MICU1: variants seen among roughly 807,000 people sequenced by gnomAD.
The protein encoded by MICU1 is calcium uptake protein 1, mitochondrial.
In MICU1, 45 loss-of-function variants were observed where a neutral mutation model predicts 56.8. The observed-to-expected ratio is 0.79, with a 90% confidence interval of 0.62 to 1.02. The LOEUF (loss-of-function observed/expected upper bound fraction) is 1.02, where lower values mean the gene tolerates loss of function less well. Among genes scored for constraint, MICU1 ranks in the 50% least tolerant of loss-of-function variants. The probability of loss-of-function intolerance (pLI) is 0.00; values close to 1 mark genes in which losing one functional copy is unlikely to be tolerated. For synonymous variants in MICU1, 186 were observed against 195.1 expected (o/e 0.95, Z 0.39); for missense variants, 504 against 587.1 (o/e 0.86, Z 1.46).
chr10:72,594,733 T>C (rs1841322693), intron 1 of MICU1, among the ~76,000 whole-genome samples: 1 of 151,718 alleles, frequency 6.6e-6, no homozygotes. Context: ...ACCCTGTCTC[T>C]ACAAAAAATG....
chr10:72,404,669 A>G (rs1328676427), intron 10 of MICU1, among the ~76,000 whole-genome samples: 2 of 152,244 alleles, frequency 1.3e-5, no homozygotes, highest in Non-Finnish European at 2.9e-5. Context: ...AATAAATTCA[A>G]TAACATAGAT....
intron 8 of MICU1, among the ~76,000 whole-genome samples, chr10:72,462,523 T>C (rs1165579353): frequency 1.3e-5 from 2 of 152,238 alleles, no homozygotes; most frequent in Non-Finnish European, 2.9e-5. Context: ...GAATATATAC[T>C]ACACATATGC....
intron 3 of MICU1, among the ~76,000 whole-genome samples, chr10:72,561,379 A>C (rs1024885893): frequency 4.6e-5 from 7 of 152,256 alleles, no homozygotes; most frequent in African/African-American, 7.2e-5. Context: ...GCTTTCTTTG[A>C]ATTCACTCAG....
chr10:72,438,295 A>T (rs543108532), intron 8 of MICU1, among the ~76,000 whole-genome samples: 20 of 152,376 alleles, frequency 1.3e-4, no homozygotes, highest in Middle Eastern at 3.4e-3. Flanking sequence ...CTCCTGAATG[A>T]CTACTGGGTA....
At chr10:72,387,988 C>G (rs542008104) in intron 10 of MICU1, among the ~76,000 whole-genome samples, 4 of 152,062 alleles carry the variant, frequency 2.6e-5, no homozygotes, top group Non-Finnish European at 5.9e-5. Context: ...AACCCTGAAA[C>G]AAGTATTCTA....
At chr10:72,397,287 A>C (rs1166336680) in intron 10 of MICU1, among the ~76,000 whole-genome samples, 3 of 152,354 alleles carry the variant, frequency 2.0e-5, no homozygotes, top group East Asian at 1.9e-4. Flanking sequence ...AGGAAGCACT[A>C]AACATGGAAA....
At chr10:72,460,915 T>A (rs972592308) in intron 8 of MICU1, among the ~76,000 whole-genome samples, 1 of 152,126 alleles carries the variant, frequency 6.6e-6, no homozygotes. Context: ...TTTTAAAATG[T>A]CCCTAAGTTC....
intron 9 of MICU1, 84 bp downstream of exon 9, chr10:72,423,150 T>G: frequency 6.6e-7 from 1 of 1,506,364 alleles, no homozygotes; most frequent in Non-Finnish European, 9.0e-7. Context: ...TGAAATACTC[T>G]CATCATTATG....
chr10:72,601,562 T>C (rs1031422261), intron 1 of MICU1, among the ~76,000 whole-genome samples: 11 of 151,898 alleles, frequency 7.2e-5, no homozygotes, highest in African/African-American at 2.7e-4. Flanking sequence ...CTTTTCCCCA[T>C]CTATCCCAGG....
At chr10:72,468,892 A>G (rs1865872263) in intron 8 of MICU1, among the ~76,000 whole-genome samples, 1 of 152,228 alleles carries the variant, frequency 6.6e-6, no homozygotes, top group South Asian at 2.1e-4. Flanking sequence ...TCCCAAATAA[A>G]TCAGGTACAG....
chr10:72,458,529 A>G (rs775768852), intron 8 of MICU1, among the ~76,000 whole-genome samples: 1 of 152,176 alleles, frequency 6.6e-6, no homozygotes, highest in African/African-American at 2.4e-5. Flanking sequence ...TCTGATCAAC[A>G]TGATGATTGT....
At chr10:72,446,703 C>G (rs1275037445) in intron 8 of MICU1, among the ~76,000 whole-genome samples, 2 of 151,972 alleles carry the variant, frequency 1.3e-5, no homozygotes, top group Non-Finnish European at 2.9e-5. Context: ...TGCACAACAG[C>G]ATTTTTTTCT....
At chr10:72,551,964 A>G (rs535864224) in intron 3 of MICU1, among the ~76,000 whole-genome samples, 3 of 152,240 alleles carry the variant, frequency 2.0e-5, no homozygotes, top group Non-Finnish European at 4.4e-5. Context: ...AAAGGGATTG[A>G]TTTTACAGTT....
intron 9 of MICU1, among the ~76,000 whole-genome samples, chr10:72,410,618 T>TCAAAA (rs1183598514): frequency 6.6e-6 from 1 of 152,134 alleles, no homozygotes; most frequent in Non-Finnish European, 1.5e-5. Context: ...AAACTCTGTC[T>TCAAAA]CAAAACAAAA....
chr10:72,477,506 C>T, intron 6 of MICU1: 2 of 1,535,622 alleles, frequency 1.3e-6, no homozygotes, highest in Non-Finnish European at 1.7e-6. Flanking sequence ...TTTGTTTCAA[C>T]ATGCTTTGCC....
chr10:72,448,193 ATTTTTTTT>A (rs71018289), intron 8 of MICU1, among the ~76,000 whole-genome samples: 4 of 36,816 alleles, frequency 1.1e-4, no homozygotes, highest in Admixed American at 5.4e-4. Flanking sequence ...ATATATATAT[ATTTTTTTT>A]TTTTTTTTTT....
chr10:72,503,135 G>A (rs1171742380), intron 6 of MICU1, among the ~76,000 whole-genome samples: 1 of 152,150 alleles, frequency 6.6e-6, no homozygotes, highest in East Asian at 1.9e-4. Flanking sequence ...TAAAATGAAA[G>A]TAACAATAGT....
chr10:72,471,482 T>C (rs530535609), intron 8 of MICU1, among the ~76,000 whole-genome samples: 35 of 152,364 alleles, frequency 2.3e-4, no homozygotes, highest in Middle Eastern at 3.4e-3. Flanking sequence ...TTTGTGTTTC[T>C]AGGAACAAGT....
intron 8 of MICU1, among the ~76,000 whole-genome samples, chr10:72,474,213 A>G (rs1398651818): frequency 7.0e-6 from 1 of 143,146 alleles, no homozygotes; most frequent in East Asian, 2.1e-4. Context: ...CCAAGATCAT[A>G]TCATGCCACT....
Sources: allele counts gnomAD v4.1 joint callset (sites outside exome capture counted in the v4.1 genomes callset), GRCh38; gene constraint gnomAD v4.1.1; transcripts MANE v1.5; gene names NCBI Gene and HGNC (gene_info 2026-07-23, HGNC 2026-07-21).